Variants in ARMC2 observed in about 807,000 individuals in gnomAD.
ARMC2 encodes the protein armadillo repeat containing 2.
A neutral mutation model predicts 90.3 loss-of-function variants in ARMC2; 67 were observed. That is an observed-to-expected ratio of 0.74 (90% CI 0.61 to 0.91). The LOEUF is 0.91. Among genes scored for constraint, ARMC2 ranks in the 40% least tolerant of loss-of-function variants. The probability of loss-of-function intolerance (pLI) is 0.00; values close to 1 mark genes in which losing one functional copy is unlikely to be tolerated. For missense variants in ARMC2, 920 were observed against 1,030.9 expected, an observed-to-expected ratio of 0.89 and a Z score of 1.47; for synonymous variants, 393 against 393.0, an observed-to-expected ratio of 1.00 and a Z score of 0.00.
intron 11 of ARMC2, among the ~76,000 whole-genome samples, chr6:108,928,584 G>T (rs550636246): frequency 6.6e-6 from 1 of 152,254 alleles, no homozygotes; most frequent in Admixed American, 6.5e-5. Context: ...AAATAAACAA[G>T]AGTTTTAACT....
At chr6:108,916,315 A>T (rs1306381789) in intron 10 of ARMC2, among the ~76,000 whole-genome samples, 1 of 152,216 alleles carries the variant, frequency 6.6e-6, no homozygotes, top group African/African-American at 2.4e-5. Context: ...CTGTATCCAG[A>T]TAATAGTATT....
At position 108,961,742 on chromosome 6, in the gene ARMC2, T is replaced by C. The variant is rs1248349232; in HGVS notation, c.2038+48T>C. 5 of 1,530,388 alleles carry C rather than the reference T, an allele frequency of 3.3e-6. No homozygotes were observed. The African/African-American group carries it at 6.9e-5, about 21-fold the overall frequency. The allele number at this position is 1,530,388 out of a possible 1,614,324, so 94.8% of individuals were successfully genotyped here. ...GATAAATGAGTGCTCATTTGAAGTTTCGATTTTATTAACTAAACACAGAGC... is the reference window on the plus strand; with the variant it reads ...GATAAATGAGTGCTCATTTGAAGTTCCGATTTTATTAACTAAACACAGAGC... On this transcript the variant is annotated intron_variant, in intron 14 of 17. Transcript: ENST00000392644.
the ARMC2 span, among the ~76,000 whole-genome samples, chr6:109,024,959 T>TGGGCTTAAGACAC: frequency 6.6e-6 from 1 of 152,058 alleles, no homozygotes; most frequent in African/African-American, 2.4e-5. Context: ...ACAGAAATCC[T>TGGGCTTAAGACAC]CAGAAACCAA....
chr6:108,961,605 T>A lies in ARMC2; in HGVS notation c.1949T>A (p.Val650Glu), dbSNP rs1446946872. ...YKSLDDCEEL[V>E]INATATINNL... is the part of the protein sequence containing the mutation. ...TCACTTGATGATTGTGAGGAGCTGG[T>A]GATCAATGCTACAGCGACAATCAAC... The change falls in exon 14 of 18, where the codon GTG becomes GAG. Residue 650 changes from valine (V) to glutamate (E), a missense_variant. By Grantham distance (121) the Val-to-Glu change is moderately radical (BLOSUM62 -2). Coordinates refer to ENST00000392644, the MANE Select transcript of ARMC2 (RefSeq NM_032131.6). 2 of 1,611,330 alleles carry A rather than the reference T, an allele frequency of 1.2e-6. No homozygotes were observed. The highest frequency in any genetic ancestry group is 2.7e-5 in the African/African-American group (2 of 74,798).
the ARMC2 span, among the ~76,000 whole-genome samples, chr6:109,016,495 A>T: frequency 1.3e-5 from 2 of 152,122 alleles, no homozygotes; most frequent in Non-Finnish European, 2.9e-5. Flanking sequence ...TAAGTTGTAG[A>T]TTCTTAACCT....
chr6:108,954,245 C>T (rs1434572991), intron 13 of ARMC2, among the ~76,000 whole-genome samples: 1 of 152,148 alleles, frequency 6.6e-6, no homozygotes, highest in Non-Finnish European at 1.5e-5. Flanking sequence ...ATGGCAACCC[C>T]TATACTTTTT....
rs138780484 is a variant in ARMC2, at chr6:108,900,559, G to A, written c.847+767G>A. 2.0e-3 allele frequency among the ~76,000 whole-genome samples: 304 copies of A among 152,286 alleles called. 1 individual carries two copies. Among genetic ancestry groups the A allele is most frequent in the African/African-American group, 7.1e-3 (294 of 41,558 alleles). On this transcript the variant is annotated intron_variant, in intron 7 of 17. Transcript: ENST00000392644. ...GAGCAAACCAGCTTGGTAGCCACAG[G>A]AAGATGCTCTAAGAGAAGCAGGGTA...
At chr6:108,890,265 C>T (rs544101213) in intron 5 of ARMC2, among the ~76,000 whole-genome samples, 2 of 133,206 alleles carry the variant, frequency 1.5e-5, no homozygotes, top group Non-Finnish European at 3.1e-5. Flanking sequence ...AGATTTTAAA[C>T]TTCATCAGGG....
At chr6:108,908,761 GAA>G (rs1235082583) in intron 8 of ARMC2, among the ~76,000 whole-genome samples, 7 of 152,044 alleles carry the variant, frequency 4.6e-5, no homozygotes, top group Admixed American at 2.0e-4. Flanking sequence ...TGAAAAAAAA[GAA>G]AAGAGAGAGA....
intron 5 of ARMC2, chr6:108,879,984 A>G (rs1468260573): frequency 6.4e-6 from 3 of 467,946 alleles, no homozygotes; most frequent in South Asian, 1.6e-5. Context: ...CTAATAAACT[A>G]TCGAGTGCTC....
intron 5 of ARMC2, among the ~76,000 whole-genome samples, chr6:108,889,347 T>C (rs1770707017): frequency 6.6e-6 from 1 of 151,448 alleles, no homozygotes; most frequent in Admixed American, 6.6e-5. Context: ...AGTTTCACCA[T>C]ATTGGCCAGA....
intron 3 of ARMC2, among the ~76,000 whole-genome samples, chr6:108,862,642 G>A (rs1028812982): frequency 3.9e-5 from 6 of 152,024 alleles, no homozygotes; most frequent in African/African-American, 1.2e-4. Context: ...ATTGGCAAAG[G>A]GCAGAGATAG....
chr6:108,994,163 A>AAAAG, the ARMC2 span, among the ~76,000 whole-genome samples: 2 of 147,086 alleles, frequency 1.4e-5, no homozygotes, highest in African/African-American at 5.0e-5. Flanking sequence ...AAAAAAAAAA[A>AAAAG]GAGAAAAAAG....
chr6:108,951,509 T>C (rs1303997839), intron 12 of ARMC2, among the ~76,000 whole-genome samples: 1 of 152,224 alleles, frequency 6.6e-6, no homozygotes, highest in East Asian at 1.9e-4. Context: ...TGTCCTTCCT[T>C]AATGTTTGGC....
the ARMC2 span, among the ~76,000 whole-genome samples, chr6:108,993,363 C>T: frequency 6.6e-6 from 1 of 152,174 alleles, no homozygotes; most frequent in Admixed American, 6.5e-5. Flanking sequence ...GTGCTGCCTG[C>T]ACTGTGACTA....
At chr6:108,872,555 G>A (rs1776529014) in intron 4 of ARMC2, among the ~76,000 whole-genome samples, 1 of 152,162 alleles carries the variant, frequency 6.6e-6, no homozygotes, top group South Asian at 2.1e-4. Context: ...CAGGTGGGTG[G>A]ATGCGAGGCC....
At chr6:109,012,459 C>T in the ARMC2 span, among the ~76,000 whole-genome samples, 1 of 152,150 alleles carries the variant, frequency 6.6e-6, no homozygotes, top group Non-Finnish European at 1.5e-5. Flanking sequence ...GTAATGCACT[C>T]AGCCTTATTT....
chr6:109,026,537 G>A, the ARMC2 span, among the ~76,000 whole-genome samples: 14 of 151,834 alleles, frequency 9.2e-5, 1 homozygote, highest in South Asian at 1.7e-3. Context: ...TCGCTCTGTC[G>A]CCAGGCTGGA....
chr6:108,851,471 G>A (rs780666599), intron 1 of ARMC2, among the ~76,000 whole-genome samples: 14 of 152,142 alleles, frequency 9.2e-5, no homozygotes, highest in East Asian at 1.9e-4. Context: ...CACTGGGTAC[G>A]TACCAGGAAG....
Sources: gnomAD v4.1 joint callset for allele counts (sites outside exome capture counted in the v4.1 genomes callset) on GRCh38, gnomAD v4.1.1 for gene constraint, MANE v1.5 for transcripts, NCBI Gene and HGNC (gene_info 2026-07-23, HGNC 2026-07-21) for gene names.